MAD1L1: variants seen among roughly 807,000 people sequenced by gnomAD.
The protein encoded by MAD1L1 is mitotic spindle assembly checkpoint protein MAD1.
A neutral mutation model predicts 96.9 loss-of-function variants in MAD1L1; 95 were observed. That is an observed-to-expected ratio of 0.98 (90% CI 0.83 to 1.16). MAD1L1 has a LOEUF of 1.16. MAD1L1 is among the 50% of genes most tolerant of loss of function. The probability of loss-of-function intolerance (pLI) is 0.00; values close to 1 mark genes in which losing one functional copy is unlikely to be tolerated. For missense variants in MAD1L1, 1,007 were observed against 954.4 expected (o/e 1.06, Z -0.73); for synonymous variants, 473 against 396.6 (o/e 1.19, Z -2.29).
At chr7:1,893,915 G>C (rs929628349) in intron 18 of MAD1L1, among the ~76,000 whole-genome samples, 1 of 152,264 alleles carries the variant, frequency 6.6e-6, no homozygotes, top group Admixed American at 6.5e-5. Context: ...TCTGCAGGCA[G>C]AGGTGCCAAC....
intron 11 of MAD1L1, among the ~76,000 whole-genome samples, chr7:2,122,240 G>A (rs1001592077): frequency 6.6e-6 from 1 of 152,192 alleles, no homozygotes; most frequent in Admixed American, 6.5e-5. Flanking sequence ...CAGACTGCCC[G>A]CGTCAGACCT....
chr7:2,077,027 C>T (rs962210536), intron 11 of MAD1L1, among the ~76,000 whole-genome samples: 5 of 146,734 alleles, frequency 3.4e-5, no homozygotes, highest in African/African-American at 1.0e-4. Context: ...ACGGTGAGCC[C>T]GAGACAGAGT....
At chr7:2,174,375 T>C (rs1389738366) in intron 10 of MAD1L1, among the ~76,000 whole-genome samples, 1 of 152,214 alleles carries the variant, frequency 6.6e-6, no homozygotes, top group Non-Finnish European at 1.5e-5. Context: ...TTTACCCTGA[T>C]ATTTGGGGTC....
At chr7:2,115,468 AG>A (rs923642667) in intron 11 of MAD1L1, among the ~76,000 whole-genome samples, 1 of 136,748 alleles carries the variant, frequency 7.3e-6, no homozygotes, top group Non-Finnish European at 1.5e-5. Flanking sequence ...GGGTCAGAGG[AG>A]GCTGGACAGG....
intron 3 of MAD1L1, 108 bp from the exon 4 acceptor site, chr7:2,225,658 C>T (rs1320727677): frequency 2.4e-6 from 3 of 1,257,524 alleles, no homozygotes; most frequent in Non-Finnish European, 3.3e-6. Context: ...TCCCGCAGGT[C>T]CCGTGCTAAG....
At chr7:2,212,512 G>T (rs1462362392) in intron 10 of MAD1L1, among the ~76,000 whole-genome samples, 1 of 152,162 alleles carries the variant, frequency 6.6e-6, no homozygotes, top group Non-Finnish European at 1.5e-5. Context: ...CTTCATGATA[G>T]TGAGTTCTCA....
At chr7:1,949,213 C>T (rs1196219664) in intron 16 of MAD1L1, among the ~76,000 whole-genome samples, 3 of 152,156 alleles carry the variant, frequency 2.0e-5, no homozygotes, top group South Asian at 2.1e-4. Flanking sequence ...CTCTGAGCCT[C>T]GATCTGCTGT....
At chr7:2,047,663 G>C (rs1309432437) in intron 12 of MAD1L1, among the ~76,000 whole-genome samples, 5 of 152,228 alleles carry the variant, frequency 3.3e-5, no homozygotes, top group Admixed American at 6.5e-5. Flanking sequence ...GGTAAGCACA[G>C]ATGCACACAC....
intron 18 of MAD1L1, among the ~76,000 whole-genome samples, chr7:1,857,238 C>T (rs568565782): frequency 4.0e-4 from 61 of 152,344 alleles, no homozygotes; most frequent in African/African-American, 1.3e-3. Context: ...CACCAGGAGG[C>T]ACGGCTGTCC....
intron 11 of MAD1L1, among the ~76,000 whole-genome samples, chr7:2,127,791 G>T (rs577805835): frequency 6.6e-6 from 1 of 152,254 alleles, no homozygotes; most frequent in South Asian, 2.1e-4. Flanking sequence ...GGCGTCAGGG[G>T]AGCAGACGCC....
In MAD1L1 at chr7:1,986,465, C is replaced by T. The variant is rs531511529; in HGVS notation, c.1417-5924G>A. ...GGCCGCCTCTCGCAAGGGCTCACGC[C>T]GGCAAGGGAGTTCTACTCCGCGGCT... On this transcript the variant is annotated intron_variant, in intron 14 of 18. Coordinates refer to ENST00000265854, the MANE Select transcript of MAD1L1 (RefSeq NM_001013836.2). Among the ~76,000 whole-genome samples the T allele has an allele frequency of 2.0e-5, 3 of 152,222 alleles. No individual in the cohort carries two copies. The South Asian group carries it at 6.2e-4, about 32-fold the overall frequency.
At chr7:2,043,494 G>A (rs1173036121) in intron 12 of MAD1L1, among the ~76,000 whole-genome samples, 3 of 152,248 alleles carry the variant, frequency 2.0e-5, no homozygotes, top group Admixed American at 6.5e-5. Flanking sequence ...CCCTCGGCAC[G>A]ACCTGGCACA....
intron 3 of MAD1L1, among the ~76,000 whole-genome samples, chr7:2,228,189 G>A (rs753867192): frequency 4.0e-5 from 6 of 151,336 alleles, no homozygotes; most frequent in Non-Finnish European, 8.8e-5. Context: ...GGGGGCCTCC[G>A]AGCCCCAAGA....
intron 18 of MAD1L1, among the ~76,000 whole-genome samples, chr7:1,875,560 C>G (rs561207760): frequency 6.6e-6 from 1 of 152,302 alleles, no homozygotes; most frequent in South Asian, 2.1e-4. Flanking sequence ...GCGTGGAACA[C>G]AGCAGGTGGC....
rs552806173 is a variant in MAD1L1 at position 1,884,251 on chromosome 7, C to T, written c.1998+13949G>A. On this transcript the variant is annotated intron_variant, in intron 18 of 18. Transcript: ENST00000265854. The stretch of plus-strand genomic sequence containing the variant: ...TGGCTGAAGAGACGTGGCCACCCAC[C>T]CTCACACCTGGGCGCCCAAGAGCAT... Among the ~76,000 whole-genome samples, 6 of 152,310 alleles carry T rather than the reference C, an allele frequency of 3.9e-5. No homozygotes were observed. In the East Asian group the frequency reaches 9.6e-4, roughly 24 times the overall value.
At chr7:1,896,705 A>C (rs1786896312) in intron 18 of MAD1L1, among the ~76,000 whole-genome samples, 1 of 152,210 alleles carries the variant, frequency 6.6e-6, no homozygotes, top group Admixed American at 6.5e-5. Flanking sequence ...AACAGAAAAC[A>C]CTGTGGAGGG....
chr7:2,041,548 C>T (rs948042945), intron 12 of MAD1L1, among the ~76,000 whole-genome samples: 11 of 152,152 alleles, frequency 7.2e-5, no homozygotes, highest in Non-Finnish European at 1.3e-4. Context: ...CCAGTCACAT[C>T]TGCACAAACC....
chr7:2,008,774 G>GC (rs577307878), intron 13 of MAD1L1, among the ~76,000 whole-genome samples: 142 of 150,624 alleles, frequency 9.4e-4, no homozygotes, highest in African/African-American at 3.3e-3. Context: ...GAAGCTCAGG[G>GC]GGGGAAGGAA....
At chr7:1,870,738 GCT>G (rs1785025044) in intron 18 of MAD1L1, among the ~76,000 whole-genome samples, 1 of 114,342 alleles carries the variant, frequency 8.7e-6, no homozygotes, top group African/African-American at 3.2e-5. Context: ...CACCTGCCAC[GCT>G]GAACCCAACA....
Sources: gnomAD v4.1 joint callset for allele counts (sites outside exome capture counted in the v4.1 genomes callset) on GRCh38, gnomAD v4.1.1 for gene constraint, MANE v1.5 for transcripts, NCBI Gene and HGNC (gene_info 2026-07-23, HGNC 2026-07-21) for gene names.